Variants in PDE1C observed in about 807,000 individuals in gnomAD.
The protein encoded by PDE1C is dual specificity calcium/calmodulin-dependent 3',5'-cyclic nucleotide phosphodiesterase 1C.
Under a neutral mutation model 93.1 loss-of-function variants are expected in PDE1C, and 62 were observed. The ratio of observed to expected loss-of-function variants is 0.67; its 90% CI spans 0.54 to 0.82. The LOEUF (loss-of-function observed/expected upper bound fraction) is 0.82. Among genes scored for constraint, PDE1C ranks in the 40% least tolerant of loss-of-function variants. The pLI is 0.00. For missense variants in PDE1C, 742 were observed against 884.6 expected (o/e 0.84, Z 2.04); for synonymous variants, 325 against 310.1 (o/e 1.05, Z -0.50).
intron 1 of PDE1C, among the ~76,000 whole-genome samples, chr7:32,406,529 T>G (rs1332519097): frequency 1.3e-4 from 3 of 23,458 alleles, no homozygotes; most frequent in Non-Finnish European, 2.6e-4. Flanking sequence ...ACCTCCATAA[T>G]GCAAAAAAAA....
chr7:31,999,754 A>G (rs1785225023), intron 2 of PDE1C, among the ~76,000 whole-genome samples: 1 of 152,190 alleles, frequency 6.6e-6, no homozygotes, highest in Non-Finnish European at 1.5e-5. Context: ...AACATTTACA[A>G]TGAGACATGC....
chr7:32,225,860 C>G (rs1270863022), intron 1 of PDE1C, among the ~76,000 whole-genome samples: 1 of 152,106 alleles, frequency 6.6e-6, no homozygotes, highest in African/African-American at 2.4e-5. Flanking sequence ...GAGATGAAGA[C>G]CATCCTGGCT....
At chr7:32,311,476 C>T (rs1280565603) in intron 1 of PDE1C, among the ~76,000 whole-genome samples, 1 of 152,178 alleles carries the variant, frequency 6.6e-6, no homozygotes, top group African/African-American at 2.4e-5. Flanking sequence ...GACCAATATC[C>T]TTGATGAACA....
the PDE1C span, among the ~76,000 whole-genome samples, chr7:31,745,655 C>T: frequency 6.6e-6 from 1 of 152,114 alleles, no homozygotes; most frequent in Non-Finnish European, 1.5e-5. Flanking sequence ...AAGTAAAAGA[C>T]ATTTAATGAA....
At chr7:31,638,619 A>T in the PDE1C span, among the ~76,000 whole-genome samples, 1 of 152,210 alleles carries the variant, frequency 6.6e-6, no homozygotes, top group East Asian at 1.9e-4. Context: ...TACCCTAAAG[A>T]TGTTACTCAA....
intron 2 of PDE1C, among the ~76,000 whole-genome samples, chr7:31,996,002 C>G (rs1480580834): frequency 6.6e-6 from 1 of 151,596 alleles, no homozygotes; most frequent in Non-Finnish European, 1.5e-5. Flanking sequence ...AGAGGGACAT[C>G]TGTTTAGCAG....
At chr7:32,272,713 A>G (rs1333871022) in intron 1 of PDE1C, among the ~76,000 whole-genome samples, 1 of 152,178 alleles carries the variant, frequency 6.6e-6, no homozygotes, top group Non-Finnish European at 1.5e-5. Context: ...CTCAATAGTG[A>G]CACCCCCTTC....
intron 3 of PDE1C, among the ~76,000 whole-genome samples, chr7:32,113,261 A>C (rs1156447950): frequency 2.2e-5 from 3 of 137,504 alleles, no homozygotes; most frequent in Non-Finnish European, 4.7e-5. Flanking sequence ...ATATATATAT[A>C]TATGGATGTG....
At chr7:32,086,736 G>C (rs1209241418) in intron 3 of PDE1C, among the ~76,000 whole-genome samples, 3 of 152,152 alleles carry the variant, frequency 2.0e-5, no homozygotes, top group African/African-American at 4.8e-5. Context: ...ACAAACCTGA[G>C]AAAAACAAGC....
At chr7:32,308,279 T>C (rs1312747888) in intron 1 of PDE1C, among the ~76,000 whole-genome samples, 3 of 152,244 alleles carry the variant, frequency 2.0e-5, no homozygotes, top group Non-Finnish European at 2.9e-5. Context: ...GAGGCCTGCC[T>C]GCCTCTGTAG....
chr7:31,689,885 C>T, the PDE1C span, among the ~76,000 whole-genome samples: 9 of 152,336 alleles, frequency 5.9e-5, no homozygotes, highest in South Asian at 1.7e-3. Flanking sequence ...GAAATTGTCT[C>T]TCAGCCCCTT....
At chr7:31,961,010 C>T (rs553136045) in intron 2 of PDE1C, among the ~76,000 whole-genome samples, 21 of 152,230 alleles carry the variant, frequency 1.4e-4, no homozygotes, top group East Asian at 9.7e-4. Context: ...CAAATTGACA[C>T]GTTCTGTCTG....
chr7:32,117,318 A>G (rs1395670124), intron 3 of PDE1C, among the ~76,000 whole-genome samples: 11 of 152,220 alleles, frequency 7.2e-5, no homozygotes, highest in Admixed American at 6.5e-4. Context: ...TAAGAAAACT[A>G]TGTCATATGT....
At chr7:32,052,500 G>C (rs1469299774) in intron 1 of PDE1C, among the ~76,000 whole-genome samples, 2 of 152,108 alleles carry the variant, frequency 1.3e-5, no homozygotes, top group African/African-American at 4.8e-5. Flanking sequence ...GCACTGGAGG[G>C]GATTAGAGGA....
At chr7:31,628,436 C>T in the PDE1C span, among the ~76,000 whole-genome samples, 21 of 151,834 alleles carry the variant, frequency 1.4e-4, no homozygotes, top group African/African-American at 5.1e-4. Flanking sequence ...AAGAGAAACA[C>T]AAGCGTGATT....
intron 2 of PDE1C, among the ~76,000 whole-genome samples, chr7:32,041,165 AACCCTAGG>A (rs762568440): frequency 1.6e-4 from 24 of 152,292 alleles, no homozygotes; most frequent in Admixed American, 6.5e-4. Flanking sequence ...GGCTCACAAG[AACCCTAGG>A]AAGCAAATAC....
At chr7:32,323,172 C>A (rs1201881838) in intron 1 of PDE1C, among the ~76,000 whole-genome samples, 3 of 152,178 alleles carry the variant, frequency 2.0e-5, no homozygotes, top group African/African-American at 7.2e-5. Context: ...TAAAGAATAA[C>A]TTTTCCTGGG....
Position 31,815,964 on chromosome 7 carries a change from G to T in PDE1C, c.1773C>A (p.Asn591Lys). Residue 591 changes from asparagine (N) to lysine (K), a missense_variant, in exon 15 of 18, where the codon AAC becomes AAA. Asn to Lys is a moderately conservative substitution (Grantham distance 94, BLOSUM62 0). Coordinates refer to ENST00000396191, the MANE Select transcript of PDE1C (RefSeq NM_001191057.4). ...ANKSDNPRGKNSKAEKSSGEQ... is the reference protein window; with the variant it reads ...ANKSDNPRGKKSKAEKSSGEQ... ...CTCCTGATGACTTCTCGGCTTTGGA[G>T]TTTTTCCCACGAGGGTTGTCACTTT... 4 of 1,613,960 alleles carry T rather than the reference G, an allele frequency of 2.5e-6. No individual in the cohort carries two copies. The East Asian group carries it at 8.9e-5, about 36-fold the overall frequency.
chr7:32,329,549 C>A (rs1437186322), intron 1 of PDE1C, among the ~76,000 whole-genome samples: 1 of 152,204 alleles, frequency 6.6e-6, no homozygotes, highest in Non-Finnish European at 1.5e-5. Flanking sequence ...GGTATGGCAG[C>A]ACTTCCATTC....
Sources: gnomAD v4.1 joint callset for allele counts (sites outside exome capture counted in the v4.1 genomes callset) on GRCh38, gnomAD v4.1.1 for gene constraint, MANE v1.5 for transcripts, NCBI Gene and HGNC (gene_info 2026-07-23, HGNC 2026-07-21) for gene names.